The following NCKAP5 variants were observed in gnomAD, a reference collection of about 807,000 sequenced individuals.
The protein encoded by NCKAP5 is nck-associated protein 5.
Under a neutral mutation model 167.0 loss-of-function variants are expected in NCKAP5, and 92 were observed. The observed-to-expected ratio is 0.55, with a 90% CI of 0.47 to 0.66. The LOEUF is 0.66. NCKAP5 is among the 30% of genes least tolerant of loss of function. NCKAP5 has a pLI of 0.00. For synonymous variants in NCKAP5, 891 were observed against 877.4 expected, an observed-to-expected ratio of 1.02 and a Z score of -0.27; for missense variants, 2,378 against 2,315.0, an observed-to-expected ratio of 1.03 and a Z score of -0.56.
At chr2:133,340,065 T>C (rs1328012093) in intron 3 of NCKAP5, among the ~76,000 whole-genome samples, 1 of 152,166 alleles carries the variant, frequency 6.6e-6, no homozygotes. Context: ...TCTCAAAATA[T>C]ATGATCCCTG....
chr2:133,268,970 T>C (rs2089383391), intron 4 of NCKAP5: 3 of 152,220 alleles, frequency 2.0e-5, no homozygotes, highest in Admixed American at 2.0e-4. Context: ...GAAATTGCTG[T>C]TGTCCAGGAA....
At chr2:132,755,879 A>AATAATG (rs1173542738) in intron 16 of NCKAP5, among the ~76,000 whole-genome samples, 1 of 149,510 alleles carries the variant, frequency 6.7e-6, no homozygotes, top group Non-Finnish European at 1.5e-5. Flanking sequence ...TAATAATAAT[A>AATAATG]ATAACTATAA....
intron 8 of NCKAP5, among the ~76,000 whole-genome samples, chr2:132,908,477 C>A (rs1558928553): frequency 6.6e-6 from 1 of 152,182 alleles, no homozygotes; most frequent in African/African-American, 2.4e-5. Flanking sequence ...GGATATTATT[C>A]TTCTATCGAA....
intron 13 of NCKAP5, 64 bp downstream of exon 13, chr2:132,789,959 C>A (rs1683920338): frequency 1.3e-6 from 2 of 1,497,074 alleles, no homozygotes; most frequent in East Asian, 2.4e-5. Context: ...CCCTTCATCT[C>A]CATGACCAAA....
chr2:133,224,263 C>T (rs945214229), intron 4 of NCKAP5, among the ~76,000 whole-genome samples: 5 of 152,130 alleles, frequency 3.3e-5, no homozygotes, highest in Admixed American at 6.6e-5. Flanking sequence ...GGAGGTAAGT[C>T]CCTAGAAGGC....
At chr2:133,109,433 A>C (rs899614360) in intron 6 of NCKAP5, among the ~76,000 whole-genome samples, 1 of 152,256 alleles carries the variant, frequency 6.6e-6, no homozygotes. Context: ...AGTTATGAGA[A>C]TTATATTTCC....
chr2:133,432,284 G>A (rs1482824892), intron 3 of NCKAP5, among the ~76,000 whole-genome samples: 1 of 152,284 alleles, frequency 6.6e-6, no homozygotes, highest in East Asian at 1.9e-4. Flanking sequence ...TTAATAATCT[G>A]TTTCCAGCAC....
chr2:133,073,168 C>T (rs1189338069), intron 6 of NCKAP5, among the ~76,000 whole-genome samples: 1 of 151,932 alleles, frequency 6.6e-6, no homozygotes, highest in Admixed American at 6.6e-5. Flanking sequence ...CAAGGAAATC[C>T]AATACTTTTT....
intron 16 of NCKAP5, among the ~76,000 whole-genome samples, chr2:132,753,144 A>C (rs72989522): frequency 0.031 from 4,713 of 152,290 alleles, 196 homozygotes; most frequent in East Asian, 0.16. Flanking sequence ...CAACATATGA[A>C]ATTAACCATC....
the NCKAP5 span, among the ~76,000 whole-genome samples, chr2:133,661,158 T>C: frequency 6.6e-6 from 1 of 151,998 alleles, no homozygotes; most frequent in African/African-American, 2.4e-5. Context: ...CGAGGATTGA[T>C]GAGGGTGGTA....
At chr2:133,010,338 A>G (rs1213396436) in intron 6 of NCKAP5, among the ~76,000 whole-genome samples, 1 of 152,248 alleles carries the variant, frequency 6.6e-6, no homozygotes, top group East Asian at 1.9e-4. Flanking sequence ...TTAATCAAAC[A>G]CAAAGCATTA....
chr2:133,456,219 T>C (rs537552023), intron 3 of NCKAP5, among the ~76,000 whole-genome samples: 3 of 152,274 alleles, frequency 2.0e-5, no homozygotes, highest in Admixed American at 2.0e-4. Context: ...ATTGCAGCGG[T>C]AGCAATCTAC....
At chr2:133,029,301 T>C (rs776837344) in intron 6 of NCKAP5, among the ~76,000 whole-genome samples, 4 of 152,216 alleles carry the variant, frequency 2.6e-5, no homozygotes, top group Non-Finnish European at 5.9e-5. Flanking sequence ...AAGTATATTA[T>C]GACATTTTCT....
intron 11 of NCKAP5, among the ~76,000 whole-genome samples, chr2:132,804,827 T>C (rs1359703270): frequency 6.6e-6 from 1 of 151,992 alleles, no homozygotes; most frequent in East Asian, 1.9e-4. Context: ...GTCACAATGC[T>C]ACATATATTT....
At chr2:133,228,331 A>T (rs1179751653) in intron 4 of NCKAP5, among the ~76,000 whole-genome samples, 2 of 151,948 alleles carry the variant, frequency 1.3e-5, no homozygotes, top group Non-Finnish European at 2.9e-5. Context: ...AAATAACCGG[A>T]TCTCTTTTTG....
At chr2:132,774,858 C>T (rs868551006) in intron 15 of NCKAP5, among the ~76,000 whole-genome samples, 2 of 152,152 alleles carry the variant, frequency 1.3e-5, no homozygotes, top group Non-Finnish European at 2.9e-5. Context: ...GATGAAGACC[C>T]ATCCCAAAGC....
At chr2:133,257,236 C>T (rs1217710116) in intron 4 of NCKAP5, among the ~76,000 whole-genome samples, 3 of 152,072 alleles carry the variant, frequency 2.0e-5, no homozygotes, top group African/African-American at 7.2e-5. Flanking sequence ...ATGTGAAGTG[C>T]CAACAAGCAA....
the NCKAP5 span, among the ~76,000 whole-genome samples, chr2:133,629,187 A>G: frequency 2.0e-4 from 30 of 152,354 alleles, no homozygotes; most frequent in African/African-American, 7.2e-4. Flanking sequence ...AACTATCATC[A>G]GAGTGAACAG....
intron 19 of NCKAP5, among the ~76,000 whole-genome samples, chr2:132,692,405 G>A (rs1225705447): frequency 6.6e-6 from 1 of 151,878 alleles, no homozygotes; most frequent in South Asian, 2.1e-4. Flanking sequence ...CTCCCACCTC[G>A]CCCTTCCAAA....
Sources: allele counts gnomAD v4.1 joint callset (sites outside exome capture counted in the v4.1 genomes callset), GRCh38; gene constraint gnomAD v4.1.1; transcripts MANE v1.5; gene names NCBI Gene and HGNC (gene_info 2026-07-23, HGNC 2026-07-21).